FKTN: variants seen among roughly 807,000 people sequenced by gnomAD.
FKTN encodes the protein fukutin.
Under a neutral mutation model 58.6 loss-of-function variants are expected in FKTN, and 47 were observed. The observed-to-expected ratio is 0.80, with a 90% CI of 0.63 to 1.02. The LOEUF is 1.02. FKTN is among the 50% of genes least tolerant of loss of function. The probability of loss-of-function intolerance (pLI) is 0.00; values close to 1 mark genes in which losing one functional copy is unlikely to be tolerated. For missense variants in FKTN, 516 were observed against 537.3 expected (o/e 0.96, Z 0.39); for synonymous variants, 178 against 191.9 (o/e 0.93, Z 0.60).
intron 10 of FKTN, among the ~76,000 whole-genome samples, chr9:105,630,983 A>C (rs1755849822): frequency 6.6e-6 from 1 of 152,022 alleles, no homozygotes; most frequent in African/African-American, 2.4e-5. Flanking sequence ...AAATAGAAAA[A>C]TTAGCCAGGT....
chr9:105,567,690 C>A (rs940237741), intron 1 of FKTN, among the ~76,000 whole-genome samples: 2 of 152,154 alleles, frequency 1.3e-5, no homozygotes, highest in Non-Finnish European at 2.9e-5. Context: ...TAGGAAGAAT[C>A]GATATCTTGA....
chr9:105,619,831 T>C lies in FKTN; in HGVS notation c.1045-103T>C, dbSNP rs1588220306. The C allele has an allele frequency of 2.6e-6, 3 of 1,136,942 alleles. No homozygotes were observed. In the East Asian group the frequency reaches 8.0e-5, roughly 30 times the overall value. 70.4% of individuals were successfully genotyped at this position (1,136,942 alleles called of 1,614,324 possible). A position where few individuals can be genotyped will look rare whatever the true frequency, so the allele number is the denominator to read the frequency against. On this transcript the variant is annotated intron_variant, in intron 9 of 10. Coordinates refer to ENST00000357998, the MANE Select transcript of FKTN (RefSeq NM_001079802.2). ...TCTTAGAATGAATACTCTATGTATG[T>C]AAAACTTAAGAATCTGTTTCTTTAT...
rs911282490 is a variant in FKTN at position 105,637,638 on chromosome 9, G to A, written c.*2374G>A. On this transcript the variant is annotated 3_prime_UTR_variant, in exon 11 of 11. Transcript: ENST00000357998. ...TTTCTTTCATCACTTGAGTATTCTAGCAGTCATTCTCCTAATCTGACCACT... is the reference window on the plus strand; with the variant it reads ...TTTCTTTCATCACTTGAGTATTCTAACAGTCATTCTCCTAATCTGACCACT... The A allele has an allele frequency of 1.0e-6, 1 of 985,214 alleles. No homozygotes were observed. The highest frequency in any genetic ancestry group is 1.2e-6 in the Non-Finnish European group (1 of 829,898). 61.0% of individuals were successfully genotyped at this position (985,214 alleles called of 1,614,324 possible). A position where few individuals can be genotyped will look rare whatever the true frequency, so the allele number is the denominator to read the frequency against.
At chr9:105,614,639 C>T (rs554097930) in intron 7 of FKTN, among the ~76,000 whole-genome samples, 89 of 152,262 alleles carry the variant, frequency 5.8e-4, no homozygotes, top group Admixed American at 5.3e-3. Flanking sequence ...TTGTAGCTCT[C>T]ATAATTAGCT....
intron 1 of FKTN, among the ~76,000 whole-genome samples, chr9:105,559,568 C>T (rs945867748): frequency 6.6e-6 from 1 of 151,930 alleles, no homozygotes; most frequent in Non-Finnish European, 1.5e-5. Context: ...CCTGTAATCC[C>T]AGCTACTCCT....
intron 10 of FKTN, among the ~76,000 whole-genome samples, chr9:105,620,879 T>A (rs1831806667): frequency 6.6e-6 from 1 of 151,976 alleles, no homozygotes; most frequent in Non-Finnish European, 1.5e-5. Context: ...GAGACATGTA[T>A]AATTATCTCA....
Position 105,615,294 on chromosome 9 carries a change from A to C in FKTN, c.797A>C (p.Asn266Thr). ...RAFFQQYLDD[N>T]TVEAVAFRKS... Reference sequence around the variant, plus strand: ...TATCTGTAGCAGTACCTTGATGATAACACTGTGGAAGCTGTGGCCTTTCGG... The same window carrying C: ...TATCTGTAGCAGTACCTTGATGATACCACTGTGGAAGCTGTGGCCTTTCGG... The change falls in exon 8 of 11, where the codon AAC becomes ACC. Residue 266 changes from asparagine to threonine, a missense_variant. Transcript: ENST00000357998. 5 of 1,614,064 alleles carry C rather than the reference A, an allele frequency of 3.1e-6. No individual in the cohort carries two copies. The highest frequency in any genetic ancestry group is 3.4e-6 in the Non-Finnish European group (4 of 1,179,892).
intron 3 of FKTN, among the ~76,000 whole-genome samples, chr9:105,589,201 T>G (rs533450335): frequency 6.6e-6 from 1 of 152,332 alleles, no homozygotes; most frequent in Admixed American, 6.5e-5. Context: ...ACATTCTTTC[T>G]GAAGAAGGGC....
chr9:105,619,910 T>G, intron 9 of FKTN, 24 bp from the exon 10 acceptor site: 1 of 1,602,080 alleles, frequency 6.2e-7, no homozygotes, highest in Non-Finnish European at 8.5e-7. Flanking sequence ...TTTCAGTGTG[T>G]GAAGGTTTTC....
At chr9:105,593,615 G>T (rs1206883834) in intron 3 of FKTN, among the ~76,000 whole-genome samples, 1 of 152,074 alleles carries the variant, frequency 6.6e-6, no homozygotes, top group Admixed American at 6.6e-5. Context: ...TAAAGGGGGA[G>T]AAAGAAAGTG....
intron 3 of FKTN, among the ~76,000 whole-genome samples, chr9:105,584,862 T>C (rs1033369031): frequency 1.3e-5 from 2 of 152,092 alleles, no homozygotes; most frequent in African/African-American, 4.8e-5. Flanking sequence ...TTAAACCGTT[T>C]GTAGCCCAGT....
Position 105,636,010 on chromosome 9 carries a change from T to C in FKTN, c.*746T>C, listed in dbSNP as rs1834009060. On this transcript the variant is annotated 3_prime_UTR_variant, in exon 11 of 11. Coordinates refer to ENST00000357998, the MANE Select transcript of FKTN (RefSeq NM_001079802.2). Reference sequence around the variant, plus strand: ...TGAGAATATTTTCACTGACCTCTGATGGCACTTGTTGACAAATCATTCAAG... The same window carrying C: ...TGAGAATATTTTCACTGACCTCTGACGGCACTTGTTGACAAATCATTCAAG... 2.1e-5 allele frequency: 21 copies of C among 985,712 alleles called. No homozygotes were observed. Among genetic ancestry groups the C allele is most frequent in the Non-Finnish European group, 2.4e-5 (20 of 830,132 alleles). The allele number at this position is 985,712 out of a possible 1,614,324, so 61.1% of individuals were successfully genotyped here. A position where few individuals can be genotyped will look rare whatever the true frequency, so the allele number is the denominator to read the frequency against.
chr9:105,618,481 T>C (rs1173941170), intron 9 of FKTN, among the ~76,000 whole-genome samples: 1 of 152,182 alleles, frequency 6.6e-6, no homozygotes, highest in Non-Finnish European at 1.5e-5. Context: ...ACCTGATTGT[T>C]TCTCATGAGT....
At chr9:105,564,044 G>A (rs1259885883) in intron 1 of FKTN, among the ~76,000 whole-genome samples, 1 of 152,152 alleles carries the variant, frequency 6.6e-6, no homozygotes, top group Non-Finnish European at 1.5e-5. Context: ...AACAGGATCT[G>A]GAGTGGACCT....
Position 105,636,435 on chromosome 9 carries a change from T to C in FKTN, c.*1171T>C, listed in dbSNP as rs899730073. On this transcript the variant is annotated 3_prime_UTR_variant, in exon 11 of 11. Coordinates refer to ENST00000357998, the MANE Select transcript of FKTN (RefSeq NM_001079802.2). ...CAGATCATAGAGTTTGTAAAGTTTG[T>C]GTCCCTCCCCAGTTTTTCAGTCTGT... The C allele has an allele frequency of 2.0e-6, 2 of 991,898 alleles. No individual in the cohort carries two copies. Among genetic ancestry groups the C allele is most frequent in the African/African-American group, 3.5e-5 (2 of 57,402 alleles). 61.4% of individuals were successfully genotyped at this position (991,898 alleles called of 1,614,324 possible).
At position 105,607,338 on chromosome 9, in the gene FKTN, A is replaced by C. The variant is rs186435994; in HGVS notation, c.648-481A>C. 8.4e-3 allele frequency among the ~76,000 whole-genome samples: 1,274 copies of C among 152,214 alleles called. 20 individuals carry two copies. Among genetic ancestry groups the C allele is most frequent in the African/African-American group, 0.029 (1,217 of 41,578 alleles). On this transcript the variant is annotated intron_variant, in intron 6 of 10. Coordinates refer to ENST00000357998, the MANE Select transcript of FKTN (RefSeq NM_001079802.2). ...TCTAAAAGTAAACTGATAATTAAAA[A>C]TTATGTCACAAAATTTTTGTTTCTG...
At chr9:105,566,630 C>A (rs1589209909) in intron 1 of FKTN, among the ~76,000 whole-genome samples, 3 of 152,210 alleles carry the variant, frequency 2.0e-5, no homozygotes, top group South Asian at 4.1e-4. Context: ...CAATAACAGG[C>A]TCTGAAATTG....
intron 1 of FKTN, among the ~76,000 whole-genome samples, chr9:105,569,698 C>T (rs987619667): frequency 9.9e-5 from 15 of 152,210 alleles, no homozygotes; most frequent in South Asian, 2.1e-4. Context: ...AATTCTGTGT[C>T]GCAATATACC....
Position 105,636,628 on chromosome 9 carries a change from G to A in FKTN, c.*1364G>A, listed in dbSNP as rs1261858351. ...GATATATTGTAAGTGAGAGGTAAAG[G>A]AAAATGTAGGCACAATAAGCACTGC... On this transcript the variant is annotated 3_prime_UTR_variant, in exon 11 of 11. Transcript: ENST00000357998. 8.2e-7 allele frequency: 1 copy of A among 1,214,388 alleles called. No individual in the cohort carries two copies. The highest frequency in any genetic ancestry group is 1.1e-6 in the Non-Finnish European group (1 of 933,618). The allele number at this position is 1,214,388 out of a possible 1,614,324, so 75.2% of individuals were successfully genotyped here. A position where few individuals can be genotyped will look rare whatever the true frequency, so the allele number is the denominator to read the frequency against.
Sources: gnomAD v4.1 joint callset for allele counts (sites outside exome capture counted in the v4.1 genomes callset) on GRCh38, gnomAD v4.1.1 for gene constraint, MANE v1.5 for transcripts, NCBI Gene and HGNC (gene_info 2026-07-23, HGNC 2026-07-21) for gene names.